COL6A2: variants seen among roughly 807,000 people sequenced by gnomAD.
COL6A2 encodes collagen alpha-2(VI) chain.
In COL6A2, 90 loss-of-function variants were observed where a neutral mutation model predicts 124.9. The observed-to-expected ratio is 0.72, with a 90% CI of 0.61 to 0.86. The LOEUF (loss-of-function observed/expected upper bound fraction) is 0.86. COL6A2 is among the 40% of genes least tolerant of loss of function. The pLI, the probability that COL6A2 is intolerant of heterozygous loss-of-function variation, is 0.00. For missense variants in COL6A2, 1,607 were observed against 1,502.5 expected, an observed-to-expected ratio of 1.07 and a Z score of -1.15; for synonymous variants, 793 against 618.2, an observed-to-expected ratio of 1.28 and a Z score of -4.19.
At position 46,132,287 on chromosome 21, in the gene COL6A2, C is replaced by G. The variant is rs117725825; in HGVS notation, c.2795C>G (p.Pro932Arg). The change falls in exon 28 of 28, where the codon CCG becomes CGG. Residue 932 changes from proline to arginine, a missense_variant. This residue lies in a region of COL6A2 where 1,223 missense variants were observed against 1,052.2 expected (regional missense o/e 1.16). Transcript: ENST00000300527. ...GCCATCAATGCCATCGTGCGCAGCC[C>G]GCGTGGCGGGGCCCGGAGGCACGCA... is the stretch of plus-strand genomic sequence containing the variant. ...VHAINAIVRS[P>R]RGGARRHAEL... 2 of 1,606,806 alleles carry G rather than the reference C, an allele frequency of 1.2e-6. No homozygotes were observed. The highest frequency in any genetic ancestry group is 2.2e-5 in the East Asian group (1 of 44,796).
chr21:46,112,694 G>A (rs957211182), intron 3 of COL6A2, 110 bp from the exon 4 acceptor site: 83 of 1,599,182 alleles, frequency 5.2e-5, no homozygotes, highest in African/African-American at 2.4e-4. Context: ...AGGAAGCTCC[G>A]GGCAGGGCCT....
chr21:46,121,039 A>C (rs2078558082), intron 16 of COL6A2, 22 bp from the exon 17 acceptor site: 3 of 1,612,216 alleles, frequency 1.9e-6, no homozygotes, highest in Non-Finnish European at 2.5e-6. Flanking sequence ...AGAGAACCCC[A>C]AATTCCTCCC....
intron 20 of COL6A2, among the ~76,000 whole-genome samples, 157 bp downstream of exon 20, chr21:46,122,688 G>C (rs1305343617): frequency 6.6e-6 from 1 of 152,172 alleles, no homozygotes. Flanking sequence ...GCTGAGCTCT[G>C]GGGGAGCTGT....
In COL6A2 at chr21:46,116,628, G is replaced by T; in HGVS notation, c.928-23G>T. 1 of 1,612,966 alleles carries T rather than the reference G, an allele frequency of 6.2e-7. No homozygotes were observed. Among genetic ancestry groups the T allele is most frequent in the Non-Finnish European group, 8.5e-7 (1 of 1,180,024 alleles). ...GATGCTTTGAGGCACCGAGCTCACTGCGCCGGCTTTCCTCCTACACAGGGT... is the reference window on the plus strand; with the variant it reads ...GATGCTTTGAGGCACCGAGCTCACTTCGCCGGCTTTCCTCCTACACAGGGT... On this transcript the variant is annotated intron_variant, in intron 8 of 27. Coordinates refer to ENST00000300527, the MANE Select transcript of COL6A2 (RefSeq NM_001849.4). This position sits in a 1 kb window ranked among gnomAD's most constrained non-coding sequence, Gnocchi z 4.6.
intron 1 of COL6A2, chr21:46,098,932 C>A (rs1246675390): frequency 6.6e-6 from 1 of 152,272 alleles, no homozygotes; most frequent in Non-Finnish European, 1.5e-5. Context: ...GGCAACCGAA[C>A]GGATCGGCCC....
At chr21:46,131,479 G>A (rs1241254479) in intron 27 of COL6A2, among the ~76,000 whole-genome samples, 1 of 152,224 alleles carries the variant, frequency 6.6e-6, no homozygotes, top group Non-Finnish European at 1.5e-5. Context: ...GGAGGGACGT[G>A]GCCCAGCCAG....
intron 22 of COL6A2, 26 bp from the exon 23 acceptor site, chr21:46,124,831 ACTCAGCCACCCAGCCTTGGCCCCAGAGT>A (rs1292903394): frequency 1.2e-6 from 2 of 1,609,082 alleles, no homozygotes; most frequent in African/African-American, 1.3e-5. Flanking sequence ...CCTGGGAGAG[ACTCAGCCACCCAGCCTTGGCCCCAGAGT>A]CTCAGCCTCA....
chr21:46,124,796 G>A lies in COL6A2; in HGVS notation c.1734+83G>A, dbSNP rs910675723. 4 of 1,591,430 alleles carry A rather than the reference G, an allele frequency of 2.5e-6. No individual in the cohort carries two copies. In the African/African-American group the frequency reaches 4.0e-5, roughly 16 times the overall value. On this transcript the variant is annotated intron_variant, in intron 22 of 27. Coordinates refer to ENST00000300527, the MANE Select transcript of COL6A2 (RefSeq NM_001849.4). Reference sequence around the variant, plus strand: ...CAAGCCTCGTGGTTCTGCCCACGGTGGACCCACGTATCAGTGGGCAGTGGC... The same window carrying A: ...CAAGCCTCGTGGTTCTGCCCACGGTAGACCCACGTATCAGTGGGCAGTGGC...
chr21:46,115,006 A>G (rs1356858886), intron 5 of COL6A2, among the ~76,000 whole-genome samples: 3 of 152,266 alleles, frequency 2.0e-5, no homozygotes, highest in Non-Finnish European at 2.9e-5. Context: ...TTTCTCCAGG[A>G]TGAGACATCT....
At chr21:46,125,084 GGCAAGGTTGGTGGGGGGAGGAGGGTGGCA>G (rs1206561320) in intron 23 of COL6A2, among the ~76,000 whole-genome samples, 153 bp from the exon 24 acceptor site, 12 of 152,236 alleles carry the variant, frequency 7.9e-5, no homozygotes, top group African/African-American at 2.9e-4. Context: ...AAGGTCACAG[GGCAAGGTTGGTGGGGGGAGGAGGGTGGCA>G]GCGAGGTTGG....
intron 16 of COL6A2, 32 bp from the exon 17 acceptor site, chr21:46,121,029 A>G (rs2078557913): frequency 1.2e-6 from 2 of 1,606,984 alleles, no homozygotes; most frequent in Non-Finnish European, 1.7e-6. Flanking sequence ...CTGTCAGTCA[A>G]GAGAACCCCA....
chr21:46,112,598 C>T (rs1351640415), intron 3 of COL6A2, 21 bp downstream of exon 3: 11 of 1,610,764 alleles, frequency 6.8e-6, no homozygotes, highest in Non-Finnish European at 9.3e-6. Flanking sequence ...GGCGGGAGCA[C>T]CGTCCACGCG....
chr21:46,131,410 T>C (rs1213315310), intron 27 of COL6A2, among the ~76,000 whole-genome samples: 4 of 152,316 alleles, frequency 2.6e-5, no homozygotes, highest in African/African-American at 4.8e-5. Context: ...TGGCTGCCCC[T>C]GTGCCCACTG....
chr21:46,116,729 G>C lies in COL6A2; in HGVS notation c.955-41G>C. The C allele has an allele frequency of 6.2e-7, 1 of 1,613,102 alleles. No homozygotes were observed. Among genetic ancestry groups the C allele is most frequent in the Admixed American group, 1.7e-5 (1 of 60,024 alleles). On this transcript the variant is annotated intron_variant, in intron 9 of 27. Coordinates refer to ENST00000300527, the MANE Select transcript of COL6A2 (RefSeq NM_001849.4). This position sits in a 1 kb window ranked among gnomAD's most constrained non-coding sequence, Gnocchi z 4.6. ...CTCCTTCCTGCTGCTCAGGGCAGAAGGACCGGGGCTAATGGAGTTCCCTCT... is the reference window on the plus strand; with the variant it reads ...CTCCTTCCTGCTGCTCAGGGCAGAACGACCGGGGCTAATGGAGTTCCCTCT...
intron 24 of COL6A2, 28 bp from the exon 25 acceptor site, chr21:46,125,437 C>A (rs1408333191): frequency 6.2e-7 from 1 of 1,603,492 alleles, no homozygotes. Context: ...CTCCCCGGTA[C>A]CCCCCGATGA....
intron 1 of COL6A2, among the ~76,000 whole-genome samples, chr21:46,099,890 T>G (rs10544164): frequency 0.4 from 21,634 of 54,198 alleles, 1,918 homozygotes; most frequent in South Asian, 0.53. Flanking sequence ...CAGCACTGTC[T>G]TTTTTTTTTT....
rs201094892 is a variant in COL6A2, at chr21:46,112,051, C to G, written c.188C>G (p.Thr63Arg). ...GAGAGCGTCACCATGCAGTCCCCCA[C>G]GGACATCCTGCTCTTCCACATGAAG... is the stretch of plus-strand genomic sequence containing the variant. Reference protein sequence around the residue: ...TSESVTMQSPTDILLFHMKQF... With the variant: ...TSESVTMQSPRDILLFHMKQF... Residue 63 changes from threonine to arginine, a missense_variant, in exon 3 of 28, where the codon ACG (threonine) becomes AGG (arginine). Transcript: ENST00000300527. 6.2e-7 allele frequency: 1 copy of G among 1,613,086 alleles called. No individual in the cohort carries two copies. Among genetic ancestry groups the G allele is most frequent in the African/African-American group, 1.3e-5 (1 of 75,030 alleles).
At chr21:46,114,577 A>G (rs2078446945) in intron 5 of COL6A2, among the ~76,000 whole-genome samples, 1 of 152,252 alleles carries the variant, frequency 6.6e-6, no homozygotes, top group Non-Finnish European at 1.5e-5. Flanking sequence ...AAAAAATGAG[A>G]TATGCCATTA....
At chr21:46,129,055 G>C in intron 27 of COL6A2, 7 of 1,599,690 alleles carry the variant, frequency 4.4e-6, no homozygotes, top group Non-Finnish European at 5.9e-6. Context: ...CCACACACCC[G>C]CTCCACCTGC....
Sources: gnomAD v4.1 joint callset for allele counts (sites outside exome capture counted in the v4.1 genomes callset) on GRCh38, gnomAD v4.1.1 for gene constraint, gnomAD v4.1.1 regional missense constraint, Gnocchi (gnomAD v3.1) non-coding constraint, MANE v1.5 for transcripts, NCBI Gene and HGNC (gene_info 2026-07-23, HGNC 2026-07-21) for gene names.